Variants in CUX2 observed in about 807,000 individuals in gnomAD.
CUX2 encodes homeobox protein cut-like 2.
Under a neutral mutation model 144.8 loss-of-function variants are expected in CUX2, and 40 were observed. That is an observed-to-expected ratio of 0.28 (90% CI 0.21 to 0.36). CUX2 has a LOEUF of 0.36. CUX2 is among the 10% of genes least tolerant of loss of function. The pLI is 1.00. For missense variants in CUX2, 1,615 were observed against 1,994.0 expected, an observed-to-expected ratio of 0.81 and a Z score of 3.62; for synonymous variants, 827 against 875.6, an observed-to-expected ratio of 0.94 and a Z score of 0.98.
chr12:111,225,202 C>T (rs1277102250), intron 3 of CUX2, among the ~76,000 whole-genome samples: 1 of 152,152 alleles, frequency 6.6e-6, no homozygotes, highest in Non-Finnish European at 1.5e-5. Flanking sequence ...CTTGAAAAGC[C>T]CCAAGAACAA....
chr12:111,142,965 G>A (rs576509044), intron 1 of CUX2, among the ~76,000 whole-genome samples: 11 of 152,290 alleles, frequency 7.2e-5, no homozygotes, highest in African/African-American at 1.4e-4. Context: ...CCTTTTCTCC[G>A]AGTGCCTAGA....
At chr12:111,083,926 T>C (rs931873133) in intron 1 of CUX2, among the ~76,000 whole-genome samples, 2 of 152,114 alleles carry the variant, frequency 1.3e-5, no homozygotes, top group African/African-American at 4.8e-5. Flanking sequence ...AAGCCAGCCC[T>C]TGGCACAAAG....
At chr12:111,262,731 T>TA (rs1315990190) in intron 3 of CUX2, among the ~76,000 whole-genome samples, 1 of 152,198 alleles carries the variant, frequency 6.6e-6, no homozygotes, top group Non-Finnish European at 1.5e-5. Flanking sequence ...CCACCTCTTT[T>TA]AAAGAGGGTA....
At chr12:111,095,722 TG>T (rs1231404928) in intron 1 of CUX2, among the ~76,000 whole-genome samples, 1 of 152,184 alleles carries the variant, frequency 6.6e-6, no homozygotes, top group Non-Finnish European at 1.5e-5. Flanking sequence ...GAGTTATAGC[TG>T]TTCTTATTAA....
chr12:111,233,119 G>T (rs903562099), intron 3 of CUX2, among the ~76,000 whole-genome samples: 1 of 152,164 alleles, frequency 6.6e-6, no homozygotes, highest in Non-Finnish European at 1.5e-5. Context: ...AGGTACAAAT[G>T]CCCCAAGGCA....
intron 7 of CUX2, among the ~76,000 whole-genome samples, chr12:111,296,181 C>T (rs1270027090): frequency 6.6e-6 from 1 of 152,070 alleles, no homozygotes; most frequent in Admixed American, 6.5e-5. Flanking sequence ...CACGCCTCCA[C>T]CCCCCAACCC....
rs560027985 is a variant in CUX2 at position 111,137,878 on chromosome 12, C to A, written c.64-76322C>A. ...GGAATGAAGCACTGGACCACCAATT[C>A]CCTGCCCTGACATTGATGGCAGAAC... On this transcript the variant is annotated intron_variant, in intron 1 of 21. Coordinates refer to ENST00000261726, the MANE Select transcript of CUX2 (RefSeq NM_015267.4). Among the ~76,000 whole-genome samples, 4 of 152,328 alleles carry A rather than the reference C, an allele frequency of 2.6e-5. No individual in the cohort carries two copies. In the South Asian group the frequency reaches 8.3e-4, roughly 32 times the overall value.
At chr12:111,199,490 C>G (rs370872737) in intron 1 of CUX2, among the ~76,000 whole-genome samples, 1 of 152,134 alleles carries the variant, frequency 6.6e-6, no homozygotes, top group Admixed American at 6.5e-5. Context: ...GGATTTGAAC[C>G]CAGCCCACAC....
Position 111,037,720 on chromosome 12 carries a change from G to T in CUX2, c.63+3480G>T, listed in dbSNP as rs1271500362. ...TGCAGTATTTTTTTATGGCTTTTCT[G>T]TGTATAATCGTCGTAACCGGATTCA... On this transcript the variant is annotated intron_variant, in intron 1 of 21. Transcript: ENST00000261726. This position sits in a 1 kb window ranked among gnomAD's most constrained non-coding sequence, Gnocchi z 5.4. 6.6e-6 allele frequency among the ~76,000 whole-genome samples: 1 copy of T among 152,032 alleles called. No individual in the cohort carries two copies. The highest frequency in any genetic ancestry group is 6.5e-5 in the Admixed American group (1 of 15,274).
intron 1 of CUX2, among the ~76,000 whole-genome samples, chr12:111,131,195 T>C (rs954181929): frequency 1.3e-5 from 2 of 152,072 alleles, no homozygotes; most frequent in African/African-American, 2.4e-5. Context: ...TCTTACATGG[T>C]GGTGGCAAGA....
chr12:111,238,107 C>T (rs1167779059), intron 3 of CUX2, among the ~76,000 whole-genome samples: 1 of 152,258 alleles, frequency 6.6e-6, no homozygotes, highest in African/African-American at 2.4e-5. Context: ...TCAAGTGTCA[C>T]TGCCTTGGGA....
chr12:111,101,371 C>A (rs1388958728), intron 1 of CUX2, among the ~76,000 whole-genome samples: 6 of 152,126 alleles, frequency 3.9e-5, no homozygotes, highest in Admixed American at 3.9e-4. Flanking sequence ...GGTGTGACCC[C>A]CTACAGCCGC....
At position 111,322,342 on chromosome 12, in the gene CUX2, A is replaced by T; in HGVS notation, c.2767-79A>T. Reference sequence around the variant, plus strand: ...GCCTCAAAAAAAAAAAAAAAAAAAAAAAGGTTGGGGAGGAGAGTGAGGGCC... The same window carrying T: ...GCCTCAAAAAAAAAAAAAAAAAAAATAAGGTTGGGGAGGAGAGTGAGGGCC... On this transcript the variant is annotated intron_variant, in intron 17 of 21. Transcript: ENST00000261726. The surrounding 1 kb of genome is among the most constrained non-coding windows in gnomAD (Gnocchi z 4.2). 2 of 1,247,766 alleles carry T rather than the reference A, an allele frequency of 1.6e-6. No homozygotes were observed. The highest frequency in any genetic ancestry group is 2.1e-6 in the Non-Finnish European group (2 of 954,932). 77.3% of individuals were successfully genotyped at this position (1,247,766 alleles called of 1,614,324 possible). A position where few individuals can be genotyped will look rare whatever the true frequency, so the allele number is the denominator to read the frequency against.
intron 1 of CUX2, among the ~76,000 whole-genome samples, chr12:111,052,778 A>C (rs1327515236): frequency 6.6e-6 from 1 of 152,190 alleles, no homozygotes; most frequent in Non-Finnish European, 1.5e-5. Flanking sequence ...CCCAGGCAGA[A>C]CTTCTTTCAA....
At chr12:111,300,867 A>G (rs1044142327) in intron 9 of CUX2, among the ~76,000 whole-genome samples, 1 of 152,066 alleles carries the variant, frequency 6.6e-6, no homozygotes, top group African/African-American at 2.4e-5. Flanking sequence ...GGGAGACCTC[A>G]TCTCTACAAA....
At chr12:111,298,731 C>G in intron 9 of CUX2, 142 bp downstream of exon 9, 2 of 954,918 alleles carry the variant, frequency 2.1e-6, no homozygotes, top group Non-Finnish European at 3.1e-6. Flanking sequence ...AGTGAGGGAG[C>G]CAGGAGGAGT....
intron 1 of CUX2, among the ~76,000 whole-genome samples, chr12:111,126,008 G>A (rs148456049): frequency 2.9e-3 from 440 of 150,774 alleles, no homozygotes; most frequent in Non-Finnish European, 5.0e-3. Context: ...GATTCAACAC[G>A]ATGTATTACG....
intron 1 of CUX2, among the ~76,000 whole-genome samples, chr12:111,147,855 G>A (rs1194571620): frequency 2.6e-5 from 4 of 152,178 alleles, no homozygotes; most frequent in Admixed American, 2.0e-4. Flanking sequence ...AGTCCTCCAG[G>A]GGGCCCAGGC....
Position 111,039,003 on chromosome 12 carries a change from G to A in CUX2, c.63+4763G>A, listed in dbSNP as rs958794325. Among the ~76,000 whole-genome samples the A allele has an allele frequency of 7.3e-5, 11 of 151,058 alleles. No individual in the cohort carries two copies. In the East Asian group the frequency reaches 7.7e-4, roughly 11 times the overall value. ...CTGTTAAAAAGAGGATTCTATCTTC[G>A]AACTTGACATTCTGTCATGGTAACC... On this transcript the variant is annotated intron_variant, in intron 1 of 21. Transcript: ENST00000261726. The surrounding 1 kb of genome is among the most constrained non-coding windows in gnomAD (Gnocchi z 4.2).
Sources: allele counts gnomAD v4.1 joint callset (sites outside exome capture counted in the v4.1 genomes callset), GRCh38; gene constraint gnomAD v4.1.1; non-coding constraint Gnocchi (gnomAD v3.1); transcripts MANE v1.5; gene names NCBI Gene and HGNC (gene_info 2026-07-23, HGNC 2026-07-21).